The following PARD3B variants were observed in gnomAD, a reference collection of about 807,000 sequenced individuals.
PARD3B encodes the protein par-3 family cell polarity regulator beta.
Under a neutral mutation model 130.2 loss-of-function variants are expected in PARD3B, and 103 were observed. The observed-to-expected ratio is 0.79, with a 90% CI of 0.67 to 0.93. The LOEUF (loss-of-function observed/expected upper bound fraction) is 0.93, where lower values mean the gene tolerates loss of function less well. Among genes scored for constraint, PARD3B ranks in the 40% least tolerant of loss-of-function variants. The probability of loss-of-function intolerance (pLI) is 0.00; values close to 1 mark genes in which losing one functional copy is unlikely to be tolerated. For synonymous variants in PARD3B, 583 were observed against 553.2 expected, an observed-to-expected ratio of 1.05 and a Z score of -0.76; for missense variants, 1,609 against 1,499.2, an observed-to-expected ratio of 1.07 and a Z score of -1.21.
At chr2:205,204,471 A>G (rs2037172219) in intron 15 of PARD3B, among the ~76,000 whole-genome samples, 1 of 152,154 alleles carries the variant, frequency 6.6e-6, no homozygotes, top group Non-Finnish European at 1.5e-5. Context: ...CCATTTGTCA[A>G]TTTTGGCTTT....
At chr2:204,997,367 C>A (rs191755920) in intron 3 of PARD3B, among the ~76,000 whole-genome samples, 17 of 152,214 alleles carry the variant, frequency 1.1e-4, no homozygotes, top group African/African-American at 4.1e-4. Context: ...TGAGTCTTCA[C>A]ATGAATGAAC....
chr2:205,606,094 G>A (rs2054984802), intron 22 of PARD3B, among the ~76,000 whole-genome samples: 1 of 152,124 alleles, frequency 6.6e-6, no homozygotes, highest in African/African-American at 2.4e-5. Flanking sequence ...TAGTCTCCCT[G>A]GCGCCAGCAG....
Position 205,315,132 on chromosome 2 carries a change from A to G in PARD3B, c.2630+13431A>G, listed in dbSNP as rs542924690. Among the ~76,000 whole-genome samples, 10 of 152,172 alleles carry G rather than the reference A, an allele frequency of 6.6e-5. No homozygotes were observed. The South Asian group carries it at 8.3e-4, about 13-fold the overall frequency. On this transcript the variant is annotated intron_variant, in intron 18 of 22. Coordinates refer to ENST00000406610, the MANE Select transcript of PARD3B (RefSeq NM_001302769.2). ...CCAATCATTCGTTTGTTCAGTTATT[A>G]GATATTTAATGAATGCTTTCCACAC...
chr2:205,051,585 A>G lies in PARD3B; in HGVS notation c.504+3895A>G, dbSNP rs570475645. ...GTTGATGACTGTTATTTTTAGTTGC[A>G]CTTCATTAGGCTTACTGTAGAGGGA... On this transcript the variant is annotated intron_variant, in intron 4 of 22. Transcript: ENST00000406610. Among the ~76,000 whole-genome samples, 10 of 152,300 alleles carry G rather than the reference A, an allele frequency of 6.6e-5. No homozygotes were observed. The East Asian group carries it at 1.9e-3, about 29-fold the overall frequency.
chr2:205,197,072 T>TGTGA (rs1309609304), intron 15 of PARD3B, among the ~76,000 whole-genome samples: 1 of 148,830 alleles, frequency 6.7e-6, no homozygotes, highest in East Asian at 2.0e-4. Context: ...TGTGTGTGTG[T>TGTGA]GTGAGAGAGA....
At chr2:205,345,585 C>A (rs1353689404) in intron 18 of PARD3B, among the ~76,000 whole-genome samples, 1 of 151,664 alleles carries the variant, frequency 6.6e-6, no homozygotes, top group Non-Finnish European at 1.5e-5. Context: ...GAAGTTAGAA[C>A]CTCCCCCAGT....
At chr2:205,427,460 T>C (rs2047181545) in intron 19 of PARD3B, among the ~76,000 whole-genome samples, 1 of 152,166 alleles carries the variant, frequency 6.6e-6, no homozygotes, top group Non-Finnish European at 1.5e-5. Flanking sequence ...TCTAAAGAAA[T>C]TGTAGTGTCT....
At chr2:204,950,382 T>G (rs1352533649) in intron 2 of PARD3B, among the ~76,000 whole-genome samples, 2 of 152,240 alleles carry the variant, frequency 1.3e-5, no homozygotes, top group Non-Finnish European at 2.9e-5. Flanking sequence ...ATAACTTCCC[T>G]ACATTTAAAA....
intron 16 of PARD3B, among the ~76,000 whole-genome samples, chr2:205,267,164 T>G (rs1403373093): frequency 6.6e-6 from 1 of 152,196 alleles, no homozygotes; most frequent in African/African-American, 2.4e-5. Flanking sequence ...CTGTTTCTTA[T>G]TTTTCTTTTA....
Position 205,306,724 on chromosome 2 carries a change from T to C in PARD3B, c.2630+5023T>C, listed in dbSNP as rs964764773. On this transcript the variant is annotated intron_variant, in intron 18 of 22. Transcript: ENST00000406610. Reference sequence around the variant, plus strand: ...AGGTGGTGTTTGATTTTATCTTCTGTGTAAAAATAGCAACTGTTTTCCATA... The same window carrying C: ...AGGTGGTGTTTGATTTTATCTTCTGCGTAAAAATAGCAACTGTTTTCCATA... Among the ~76,000 whole-genome samples the C allele has an allele frequency of 5.3e-5, 8 of 152,224 alleles. 1 individual carries two copies. Among genetic ancestry groups the C allele is most frequent in the African/African-American group, 1.2e-4 (5 of 41,464 alleles).
At chr2:204,903,187 T>C (rs982645774) in intron 2 of PARD3B, among the ~76,000 whole-genome samples, 2 of 152,240 alleles carry the variant, frequency 1.3e-5, no homozygotes, top group South Asian at 2.1e-4. Context: ...TTAGCTTACC[T>C]TGTAGGGCAG....
At chr2:205,238,890 A>ATATATATATATATATATATGTATGTG (rs1559575168) in intron 15 of PARD3B, among the ~76,000 whole-genome samples, 9 of 102,722 alleles carry the variant, frequency 8.8e-5, no homozygotes, top group African/African-American at 3.8e-4. Context: ...ATGTGTGTAT[A>ATATATATATATATATATATGTATGTG]TATATATATA....
In PARD3B at chr2:205,008,248, C is replaced by T. The variant is rs956935267; in HGVS notation, c.395-39333C>T. 1.6e-4 allele frequency among the ~76,000 whole-genome samples: 24 copies of T among 150,430 alleles called. No individual in the cohort carries two copies. The South Asian group carries it at 3.6e-3, about 22-fold the overall frequency. ...AGTTGAGCTTTAAATAATGCATAGTCGTGATAAAGGATTGCCACACTGTTT... is the reference window on the plus strand; with the variant it reads ...AGTTGAGCTTTAAATAATGCATAGTTGTGATAAAGGATTGCCACACTGTTT... On this transcript the variant is annotated intron_variant, in intron 3 of 22. Transcript: ENST00000406610.
At chr2:205,169,980 G>C (rs1455953246) in intron 11 of PARD3B, among the ~76,000 whole-genome samples, 1 of 149,868 alleles carries the variant, frequency 6.7e-6, no homozygotes, top group African/African-American at 2.5e-5. Context: ...GCCCAGGTTG[G>C]AGTGCAGTGG....
At chr2:204,764,319 G>A (rs1574924448) in intron 2 of PARD3B, among the ~76,000 whole-genome samples, 2 of 152,206 alleles carry the variant, frequency 1.3e-5, no homozygotes, top group South Asian at 2.1e-4. Flanking sequence ...TTCCTTTAAG[G>A]TACATGTGTC....
chr2:204,650,664 G>T (rs2035445686), intron 1 of PARD3B, among the ~76,000 whole-genome samples: 1 of 152,092 alleles, frequency 6.6e-6, no homozygotes, highest in Admixed American at 6.6e-5. Flanking sequence ...ACCAAATACT[G>T]CATGTTCTCA....
chr2:204,798,064 A>C (rs2042436120), intron 2 of PARD3B, among the ~76,000 whole-genome samples: 1 of 152,224 alleles, frequency 6.6e-6, no homozygotes, highest in South Asian at 2.1e-4. Context: ...CACTCAAGAA[A>C]GTACCTTCAT....
chr2:205,270,109 C>T (rs1011202170), intron 16 of PARD3B, among the ~76,000 whole-genome samples: 1 of 151,920 alleles, frequency 6.6e-6, no homozygotes, highest in Admixed American at 6.6e-5. Flanking sequence ...TCATGTACCC[C>T]ACAAATATGT....
At chr2:204,982,533 A>G (rs1393153178) in intron 3 of PARD3B, among the ~76,000 whole-genome samples, 1 of 152,202 alleles carries the variant, frequency 6.6e-6, no homozygotes, top group African/African-American at 2.4e-5. Context: ...TTCTTGCCCC[A>G]CTAATCCACA....
Sources: allele counts gnomAD v4.1 joint callset (sites outside exome capture counted in the v4.1 genomes callset), GRCh38; gene constraint gnomAD v4.1.1; transcripts MANE v1.5; gene names NCBI Gene and HGNC (gene_info 2026-07-23, HGNC 2026-07-21).